The following DCC variants were observed in gnomAD, a reference collection of about 807,000 sequenced individuals.
DCC encodes netrin receptor DCC.
Under a neutral mutation model 172.5 loss-of-function variants are expected in DCC, and 58 were observed. The observed-to-expected ratio is 0.34, with a 90% CI of 0.27 to 0.42. The LOEUF (loss-of-function observed/expected upper bound fraction) is 0.42. Ranked by LOEUF, DCC falls within the 10% of genes least tolerant of loss-of-function variation. The pLI is 1.00. For synonymous variants in DCC, 709 were observed against 644.5 expected, an observed-to-expected ratio of 1.10 and a Z score of -1.52; for missense variants, 1,740 against 1,791.0, an observed-to-expected ratio of 0.97 and a Z score of 0.51.
At chr18:53,053,131 A>T (rs2042356420) in intron 5 of DCC, among the ~76,000 whole-genome samples, 1 of 152,188 alleles carries the variant, frequency 6.6e-6, no homozygotes, top group African/African-American at 2.4e-5. Flanking sequence ...CAACAGAGCA[A>T]GACTCCATCT....
chr18:52,571,489 T>C (rs191814040), intron 1 of DCC, among the ~76,000 whole-genome samples: 455 of 152,156 alleles, frequency 3.0e-3, no homozygotes, highest in Middle Eastern at 3.4e-3. Context: ...AGAACAAAAC[T>C]TTTGACTAGT....
chr18:52,596,391 C>T (rs74803362), intron 1 of DCC, among the ~76,000 whole-genome samples: 1 of 152,198 alleles, frequency 6.6e-6, no homozygotes, highest in Non-Finnish European at 1.5e-5. Context: ...CACAGTGAAT[C>T]TACAGAAATC....
At chr18:52,368,167 ATATT>A (rs1441119229) in intron 1 of DCC, among the ~76,000 whole-genome samples, 6 of 152,214 alleles carry the variant, frequency 3.9e-5, no homozygotes, top group African/African-American at 1.2e-4. Context: ...TTGAATATAC[ATATT>A]TACCTTGAAG....
chr18:53,305,050 T>A (rs1307612326), intron 12 of DCC, among the ~76,000 whole-genome samples: 3 of 152,234 alleles, frequency 2.0e-5, no homozygotes, highest in African/African-American at 7.2e-5. Flanking sequence ...ACACGTTCCC[T>A]TGCCTGCTGC....
intron 5 of DCC, chr18:52,941,015 T>A (rs2040453033): frequency 6.6e-6 from 1 of 152,120 alleles, no homozygotes; most frequent in African/African-American, 2.4e-5. Flanking sequence ...AATATTATAG[T>A]AAGACCAGAT....
chr18:52,503,638 C>T (rs1324097049), intron 1 of DCC, among the ~76,000 whole-genome samples: 1 of 152,088 alleles, frequency 6.6e-6, no homozygotes, highest in African/African-American at 2.4e-5. Flanking sequence ...TCTTCTTGGC[C>T]TTGTCACTGC....
rs373883714 is a variant in DCC at position 52,920,020 on chromosome 18, C to CAAA, written c.698-3672_698-3670dup. Among the ~76,000 whole-genome samples the CAAA allele has an allele frequency of 2.4e-3, 237 of 100,128 alleles. 1 individual carries two copies. The highest frequency in any genetic ancestry group is 7.6e-3 in the African/African-American group (203 of 26,606). The allele number at this position is 100,128 out of a possible 152,430, so 65.7% of individuals were successfully genotyped here. A position where few individuals can be genotyped will look rare whatever the true frequency, so the allele number is the denominator to read the frequency against. On this transcript the variant is annotated intron_variant, in intron 3 of 28. Transcript: ENST00000442544. ...ACTGGAACAATAGAATGTCCATATA[C>CAAA]AAAAAAAAAAAAAAAAAGAATCCAG...
chr18:52,939,255 T>C (rs2040425914), intron 5 of DCC, among the ~76,000 whole-genome samples: 1 of 152,208 alleles, frequency 6.6e-6, no homozygotes, highest in South Asian at 2.1e-4. Context: ...CAGCTCTTCT[T>C]GTGGCTGACT....
intron 1 of DCC, among the ~76,000 whole-genome samples, chr18:52,570,268 A>G (rs2033262736): frequency 6.6e-6 from 1 of 152,160 alleles, no homozygotes. Flanking sequence ...CTTAAAAATG[A>G]ACATTAAATG....
chr18:52,841,741 A>T (rs2038811011), intron 2 of DCC, among the ~76,000 whole-genome samples: 1 of 152,208 alleles, frequency 6.6e-6, no homozygotes, highest in Non-Finnish European at 1.5e-5. Context: ...GCTGGCTGGC[A>T]AAAGCTTACA....
At chr18:53,102,381 T>G (rs879325444) in intron 7 of DCC, among the ~76,000 whole-genome samples, 3 of 152,140 alleles carry the variant, frequency 2.0e-5, no homozygotes, top group Admixed American at 6.6e-5. Context: ...AGATAAGTGA[T>G]CATTCCGTGT....
At chr18:52,995,345 C>T (rs1279128161) in intron 5 of DCC, among the ~76,000 whole-genome samples, 1 of 152,106 alleles carries the variant, frequency 6.6e-6, no homozygotes, top group Non-Finnish European at 1.5e-5. Context: ...TCGGATCTGA[C>T]TTTTATGCCA....
intron 21 of DCC, chr18:53,416,627 G>T: frequency 5.0e-6 from 1 of 200,542 alleles, no homozygotes. Flanking sequence ...ACCTTTTTTA[G>T]GGCATTATCA....
chr18:52,568,898 C>T (rs977975502), intron 1 of DCC, among the ~76,000 whole-genome samples: 5 of 152,076 alleles, frequency 3.3e-5, no homozygotes, highest in Non-Finnish European at 5.9e-5. Context: ...TTAAAAATTA[C>T]ACTAATTATG....
At chr18:53,428,338 T>TATAGA (rs1568125827) in intron 21 of DCC, among the ~76,000 whole-genome samples, 1 of 60,674 alleles carries the variant, frequency 1.6e-5, no homozygotes, top group Non-Finnish European at 3.3e-5. Flanking sequence ...TAATATATTG[T>TATAGA]ATATAATATA....
chr18:53,414,647 G>A (rs1188177548), intron 20 of DCC, among the ~76,000 whole-genome samples: 4 of 152,122 alleles, frequency 2.6e-5, no homozygotes, highest in Non-Finnish European at 5.9e-5. Context: ...AGGAGATCGA[G>A]ACCATCCTGA....
At chr18:52,457,308 A>G (rs1242676924) in intron 1 of DCC, among the ~76,000 whole-genome samples, 1 of 152,164 alleles carries the variant, frequency 6.6e-6, no homozygotes, top group Admixed American at 6.5e-5. Flanking sequence ...AAATGAAGAT[A>G]ATGCATTTGG....
intron 21 of DCC, among the ~76,000 whole-genome samples, chr18:53,433,430 T>G (rs1200081266): frequency 6.6e-6 from 1 of 152,186 alleles, no homozygotes. Context: ...CTAGCTAATT[T>G]CCAGCCGATA....
At chr18:53,160,518 A>C (rs999132476) in intron 8 of DCC, among the ~76,000 whole-genome samples, 6 of 152,184 alleles carry the variant, frequency 3.9e-5, no homozygotes, top group African/African-American at 1.4e-4. Flanking sequence ...CTTAGCAAAA[A>C]CCAACTCAAG....
Sources: allele counts gnomAD v4.1 joint callset (sites outside exome capture counted in the v4.1 genomes callset), GRCh38; gene constraint gnomAD v4.1.1; transcripts MANE v1.5; gene names NCBI Gene and HGNC (gene_info 2026-07-23, HGNC 2026-07-21).